The following EXOC6B variants were observed in gnomAD, a reference collection of about 807,000 sequenced individuals.
EXOC6B encodes exocyst complex component 6B.
A neutral mutation model predicts 113.5 loss-of-function variants in EXOC6B; 54 were observed. The ratio of observed to expected loss-of-function variants is 0.48; its 90% CI spans 0.38 to 0.60. The LOEUF (loss-of-function observed/expected upper bound fraction) is 0.60, where lower values mean the gene tolerates loss of function less well. Ranked by LOEUF, EXOC6B falls within the 20% of genes least tolerant of loss-of-function variation. The probability of loss-of-function intolerance (pLI) is 0.00; values close to 1 mark genes in which losing one functional copy is unlikely to be tolerated. For synonymous variants in EXOC6B, 357 were observed against 339.0 expected (o/e 1.05, Z -0.58); for missense variants, 797 against 977.5 (o/e 0.82, Z 2.46).
rs943460916 is a variant in EXOC6B at position 72,616,436 on chromosome 2, G to T, written c.670-40768C>A. Among the ~76,000 whole-genome samples, 17 of 152,102 alleles carry T rather than the reference G, an allele frequency of 1.1e-4. 1 individual carries two copies. The highest frequency in any genetic ancestry group is 3.9e-4 in the Admixed American group (6 of 15,264). ...GTATGTGCATAAAAACAAATACACA[G>T]ACTACTGGAACAGAACAGAGAACTC... On this transcript the variant is annotated intron_variant, in intron 6 of 21. Transcript: ENST00000272427.
At chr2:72,414,534 A>G (rs73943353) in intron 18 of EXOC6B, among the ~76,000 whole-genome samples, 4,877 of 152,318 alleles carry the variant, frequency 0.032, 285 homozygotes, top group African/African-American at 0.11. Context: ...CCAATTCCAC[A>G]TAACAGGGAC....
intron 6 of EXOC6B, among the ~76,000 whole-genome samples, chr2:72,619,251 C>T (rs1671596362): frequency 6.6e-6 from 1 of 151,868 alleles, no homozygotes; most frequent in South Asian, 2.1e-4. Context: ...TAGATCACAT[C>T]TTCCTGTATG....
intron 20 of EXOC6B, among the ~76,000 whole-genome samples, chr2:72,235,339 T>C (rs1442857966): frequency 6.6e-6 from 1 of 152,126 alleles, no homozygotes. Flanking sequence ...TTTAGCTCAC[T>C]TAGGAGCTAA....
chr2:72,228,389 G>T (rs1269921568), intron 20 of EXOC6B, among the ~76,000 whole-genome samples: 1 of 151,742 alleles, frequency 6.6e-6, no homozygotes, highest in Non-Finnish European at 1.5e-5. Context: ...TTAACATTAG[G>T]TATATCTCCT....
At chr2:72,263,689 T>C (rs1211112626) in intron 20 of EXOC6B, among the ~76,000 whole-genome samples, 1 of 152,198 alleles carries the variant, frequency 6.6e-6, no homozygotes, top group Non-Finnish European at 1.5e-5. Context: ...GTTTACTGCA[T>C]GGTAAATCAT....
intron 6 of EXOC6B, among the ~76,000 whole-genome samples, chr2:72,581,478 A>G (rs1705220654): frequency 6.6e-6 from 1 of 152,180 alleles, no homozygotes; most frequent in South Asian, 2.1e-4. Context: ...TAAATAGACA[A>G]ATAGTTTTCT....
intron 8 of EXOC6B, among the ~76,000 whole-genome samples, chr2:72,516,450 G>T (rs1701218169): frequency 6.6e-6 from 1 of 152,084 alleles, no homozygotes; most frequent in South Asian, 2.1e-4. Context: ...ATTTCACCAT[G>T]TTGGCCAGGA....
chr2:72,506,321 T>C (rs936727489), intron 11 of EXOC6B, among the ~76,000 whole-genome samples: 1 of 152,150 alleles, frequency 6.6e-6, no homozygotes, highest in Admixed American at 6.5e-5. Context: ...GAATTTTGAC[T>C]GTTTTTTCTT....
chr2:72,621,653 T>C (rs558389570), intron 6 of EXOC6B, among the ~76,000 whole-genome samples: 9 of 152,172 alleles, frequency 5.9e-5, no homozygotes, highest in Admixed American at 5.9e-4. Flanking sequence ...ATATATATAT[T>C]TTTTCCTTTT....
At chr2:72,305,004 C>T (rs1686749431) in intron 20 of EXOC6B, among the ~76,000 whole-genome samples, 1 of 152,138 alleles carries the variant, frequency 6.6e-6, no homozygotes, top group African/African-American at 2.4e-5. Flanking sequence ...TCTAAAAGAT[C>T]AAGAAGTTCC....
intron 6 of EXOC6B, among the ~76,000 whole-genome samples, chr2:72,662,053 G>A (rs1242951852): frequency 1.6e-5 from 2 of 124,392 alleles, no homozygotes; most frequent in Non-Finnish European, 3.2e-5. Context: ...AAGAAGAAAG[G>A]AAAGAAGGAA....
At chr2:72,750,506 A>G (rs1450695584) in intron 1 of EXOC6B, among the ~76,000 whole-genome samples, 1 of 152,166 alleles carries the variant, frequency 6.6e-6, no homozygotes, top group African/African-American at 2.4e-5. Flanking sequence ...GAGTCAAATC[A>G]GAGGCCTTCA....
intron 18 of EXOC6B, among the ~76,000 whole-genome samples, chr2:72,384,008 A>G (rs1039160567): frequency 2.0e-5 from 3 of 152,032 alleles, no homozygotes; most frequent in African/African-American, 7.2e-5. Context: ...AGGGTGGAAG[A>G]TGGGAGAAGT....
chr2:72,240,144 C>G (rs1682219462), intron 20 of EXOC6B, among the ~76,000 whole-genome samples: 1 of 152,126 alleles, frequency 6.6e-6, no homozygotes, highest in African/African-American at 2.4e-5. Context: ...TTACTTCTGC[C>G]TTTCCAATCT....
chr2:72,330,460 C>A (rs1035507470), intron 20 of EXOC6B, among the ~76,000 whole-genome samples: 2 of 151,952 alleles, frequency 1.3e-5, no homozygotes, highest in Admixed American at 6.6e-5. Context: ...CAGTCTAGAT[C>A]CTAATTAAAC....
intron 8 of EXOC6B, among the ~76,000 whole-genome samples, chr2:72,548,328 G>C (rs79284103): frequency 0.023 from 3,468 of 152,238 alleles, 63 homozygotes; most frequent in Non-Finnish European, 0.034. Context: ...ATATAAGTAG[G>C]ATTTTTCAAA....
At position 72,708,724 on chromosome 2, in the gene EXOC6B, G is replaced by A. The variant is rs553996217; in HGVS notation, c.669+9379C>T. Among the ~76,000 whole-genome samples the A allele has an allele frequency of 8.5e-4, 129 of 151,812 alleles. 1 individual carries two copies. The highest frequency in any genetic ancestry group is 3.1e-3 in the African/African-American group (128 of 41,410). On this transcript the variant is annotated intron_variant, in intron 6 of 21. Transcript: ENST00000272427. ...CAAAGAAAAGTGAACTTTACTATAC[G>A]TAATTTAAATTAAAAAATTTTCACA...
chr2:72,291,396 C>G (rs182201486), intron 20 of EXOC6B, among the ~76,000 whole-genome samples: 7 of 152,308 alleles, frequency 4.6e-5, no homozygotes, highest in African/African-American at 1.4e-4. Flanking sequence ...TCTTTACATT[C>G]TCCTCCACCT....
At chr2:72,769,225 A>G (rs1683273385) in intron 1 of EXOC6B, among the ~76,000 whole-genome samples, 1 of 152,238 alleles carries the variant, frequency 6.6e-6, no homozygotes, top group South Asian at 2.1e-4. Context: ...TCTGCATACA[A>G]AAGGAAAAGT....
Sources: allele counts gnomAD v4.1 joint callset (sites outside exome capture counted in the v4.1 genomes callset), GRCh38; gene constraint gnomAD v4.1.1; transcripts MANE v1.5; gene names NCBI Gene and HGNC (gene_info 2026-07-23, HGNC 2026-07-21).